The following KIF2C variants were observed in gnomAD, a reference collection of about 807,000 sequenced individuals.
The protein encoded by KIF2C is kinesin-like protein KIF2C.
In KIF2C, 34 loss-of-function variants were observed where a neutral mutation model predicts 97.4. The ratio of observed to expected loss-of-function variants is 0.35; its 90% CI spans 0.27 to 0.46. KIF2C has a LOEUF of 0.46. KIF2C is among the 20% of genes least tolerant of loss of function. The pLI is 1.00. For missense variants in KIF2C, 750 were observed against 907.6 expected (o/e 0.83, Z 2.23); for synonymous variants, 313 against 318.2 (o/e 0.98, Z 0.17).
Position 44,753,825 on chromosome 1 carries a change from A to G in KIF2C, c.655A>G (p.Arg219Gly). The G allele has an allele frequency of 1.2e-6, 2 of 1,604,494 alleles. No individual in the cohort carries two copies. Among genetic ancestry groups the G allele is most frequent in the Non-Finnish European group, 1.7e-6 (2 of 1,174,882 alleles). The change falls in exon 7 of 21, where the codon AGA becomes GGA. Residue 219 changes from arginine to glycine, a missense_variant. By Grantham distance (125) the Arg-to-Gly change is moderately radical. Coordinates refer to ENST00000372224, the MANE Select transcript of KIF2C (RefSeq NM_006845.4). ...KAQNSEMRMKRAQEYDSSFPN... is the reference protein window; with the variant it reads ...KAQNSEMRMKGAQEYDSSFPN... Reference sequence around the variant, plus strand: ...CCAGAACTCTGAAATGAGAATGAAGAGAGCTCAGGTACCTTTCTTGGGAGA... The same window carrying G: ...CCAGAACTCTGAAATGAGAATGAAGGGAGCTCAGGTACCTTTCTTGGGAGA...
chr1:44,747,375 T>A lies in KIF2C; in HGVS notation c.166-9T>A. On this transcript the variant is annotated splice_polypyrimidine_tract_variant and intron_variant, in intron 2 of 20. Transcript: ENST00000372224. ...TTGTTTCATTGAAACTTTTACTTGC[T>A]CCTTGCAGATTGATTTTGATGATGT... The A allele has an allele frequency of 1.3e-6, 2 of 1,596,020 alleles. No homozygotes were observed. The highest frequency in any genetic ancestry group is 1.7e-6 in the Non-Finnish European group (2 of 1,167,656).
chr1:44,748,649 T>G (rs1444512139), intron 4 of KIF2C, among the ~76,000 whole-genome samples: 1 of 151,350 alleles, frequency 6.6e-6, no homozygotes. Context: ...CAGGCAATCC[T>G]CCCACCTCAG....
At chr1:44,744,577 GA>G (rs1228769377) in intron 2 of KIF2C, among the ~76,000 whole-genome samples, 4 of 152,164 alleles carry the variant, frequency 2.6e-5, no homozygotes, top group African/African-American at 9.6e-5. Context: ...ATCAACATGA[GA>G]ATCAGTTGAT....
At chr1:44,764,321 G>A (rs1274054686) in intron 19 of KIF2C, among the ~76,000 whole-genome samples, 1 of 151,568 alleles carries the variant, frequency 6.6e-6, no homozygotes, top group Non-Finnish European at 1.5e-5. Context: ...GATTACAGGT[G>A]CGTGCCACCA....
chr1:44,761,337 G>A (rs1215592086), intron 16 of KIF2C, among the ~76,000 whole-genome samples: 1 of 152,062 alleles, frequency 6.6e-6, no homozygotes, highest in Non-Finnish European at 1.5e-5. Context: ...TGGGCGCGGT[G>A]GCTCACGCCT....
chr1:44,757,504 T>C, intron 10 of KIF2C, 52 bp from the exon 11 acceptor site: 3 of 1,192,224 alleles, frequency 2.5e-6, no homozygotes, highest in Non-Finnish European at 3.8e-6. Context: ...GCAGGACATG[T>C]TCCAGGGAGC....
chr1:44,744,062 G>C (rs2148820954), intron 2 of KIF2C, among the ~76,000 whole-genome samples: 1 of 149,526 alleles, frequency 6.7e-6, no homozygotes, highest in African/African-American at 2.5e-5. Flanking sequence ...GGCATTCAGA[G>C]CCTTTTCAAG....
At chr1:44,762,216 T>C in intron 17 of KIF2C, 130 bp from the exon 18 acceptor site, 1 of 957,238 alleles carries the variant, frequency 1.0e-6, no homozygotes, top group South Asian at 1.3e-5. Flanking sequence ...GTTTTCTCTC[T>C]CCTTGGCTGA....
intron 14 of KIF2C, 79 bp downstream of exon 14, chr1:44,759,427 G>T: frequency 1.9e-6 from 3 of 1,565,084 alleles, no homozygotes; most frequent in Non-Finnish European, 2.6e-6. Flanking sequence ...GCACATTTCT[G>T]TTTACCCAGA....
chr1:44,760,722 A>G lies in KIF2C; in HGVS notation c.1683+20A>G. ...TGCATGGTGAGTAGGGTCACTTTGA[A>G]GGTGATGGTACAGGAGGAGACAGAG... On this transcript the variant is annotated intron_variant, in intron 16 of 20. Coordinates refer to ENST00000372224, the MANE Select transcript of KIF2C (RefSeq NM_006845.4). This position sits in a 1 kb window ranked among gnomAD's most constrained non-coding sequence, Gnocchi z 4.2. 1 of 1,579,024 alleles carries G rather than the reference A, an allele frequency of 6.3e-7. No individual in the cohort carries two copies.
chr1:44,765,334 A>G (rs1650395150), intron 19 of KIF2C, among the ~76,000 whole-genome samples: 1 of 152,194 alleles, frequency 6.6e-6, no homozygotes. Context: ...GGGTAGGGAT[A>G]GCATTAGGAG....
intron 2 of KIF2C, among the ~76,000 whole-genome samples, chr1:44,746,078 G>T (rs12405483): frequency 6.6e-6 from 1 of 151,410 alleles, no homozygotes; most frequent in Non-Finnish European, 1.5e-5. Flanking sequence ...GGGTTTCACC[G>T]TGTTGCCCAG....
rs1056044908 is a variant in KIF2C, at chr1:44,760,207, T to C, written c.1368-73T>C. 7.1e-6 allele frequency: 10 copies of C among 1,410,894 alleles called. No homozygotes were observed. In the African/African-American group the frequency reaches 9.9e-5, roughly 14 times the overall value. 87.4% of individuals were successfully genotyped at this position (1,410,894 alleles called of 1,614,324 possible). A position where few individuals can be genotyped will look rare whatever the true frequency, so the allele number is the denominator to read the frequency against. The stretch of plus-strand genomic sequence containing the variant: ...CTCCTAACCTGTGTCCCTCCCTTCC[T>C]AGAGAACTTCTGTGGACTTGGGTGC... On this transcript the variant is annotated intron_variant, in intron 14 of 20. Coordinates refer to ENST00000372224, the MANE Select transcript of KIF2C (RefSeq NM_006845.4). This position sits in a 1 kb window ranked among gnomAD's most constrained non-coding sequence, Gnocchi z 4.2.
rs1220856261 is a variant in KIF2C, at chr1:44,756,368, GTCACACCCTTTGGC to G, written c.977+132_977+145del. Reference sequence around the variant, plus strand: ...TCCTCGCTTCTTGTGTTTTCTTTGGGTCACACCCTTTGGCAGCTTAGTGGCCCATCCTTGAGTGG... The same window carrying G: ...TCCTCGCTTCTTGTGTTTTCTTTGGGAGCTTAGTGGCCCATCCTTGAGTGG... On this transcript the variant is annotated intron_variant, in intron 10 of 20. Transcript: ENST00000372224. 7 of 985,574 alleles carry G rather than the reference GTCACACCCTTTGGC, an allele frequency of 7.1e-6. No homozygotes were observed. In the East Asian group the frequency reaches 1.4e-4, roughly 20 times the overall value. The allele number at this position is 985,574 out of a possible 1,614,324, so 61.1% of individuals were successfully genotyped here. A position where few individuals can be genotyped will look rare whatever the true frequency, so the allele number is the denominator to read the frequency against.
chr1:44,755,321 A>G (rs952004567), intron 8 of KIF2C, among the ~76,000 whole-genome samples: 1 of 152,152 alleles, frequency 6.6e-6, no homozygotes, highest in Non-Finnish European at 1.5e-5. Context: ...GCTGGAGTGC[A>G]ATGGCATGGT....
chr1:44,743,869 A>C (rs1036956685), intron 2 of KIF2C, among the ~76,000 whole-genome samples: 6 of 152,244 alleles, frequency 3.9e-5, no homozygotes, highest in Non-Finnish European at 5.9e-5. Context: ...TATATTTGAG[A>C]AATAAAAGGA....
intron 16 of KIF2C, 79 bp from the exon 17 acceptor site, chr1:44,761,837 C>T: frequency 7.5e-7 from 1 of 1,328,648 alleles, no homozygotes; most frequent in Non-Finnish European, 1.1e-6. Context: ...AACACCCTGA[C>T]TGGAGGCCCC....
At chr1:44,754,869 C>G in intron 8 of KIF2C, 24 bp downstream of exon 8, 2 of 1,395,566 alleles carry the variant, frequency 1.4e-6, no homozygotes, top group Non-Finnish European at 2.0e-6. Flanking sequence ...AAGAACTTCT[C>G]TTTCTTAAGT....
chr1:44,740,756 A>G lies in KIF2C; in HGVS notation c.71-157A>G, dbSNP rs77790608. On this transcript the variant is annotated intron_variant, in intron 1 of 20. Coordinates refer to ENST00000372224, the MANE Select transcript of KIF2C (RefSeq NM_006845.4). ...TGTGGATATTCTAAAGGTGAAGCCC[A>G]GGAGATTTATTTGTTTCTCTTAGTT... is the stretch of plus-strand genomic sequence containing the variant. Among the ~76,000 whole-genome samples, 64 of 149,746 alleles carry G rather than the reference A, an allele frequency of 4.3e-4. 3 individuals are homozygous for G. In the East Asian group the frequency reaches 9.6e-3, roughly 22 times the overall value.
Sources: allele counts gnomAD v4.1 joint callset (sites outside exome capture counted in the v4.1 genomes callset), GRCh38; gene constraint gnomAD v4.1.1; non-coding constraint Gnocchi (gnomAD v3.1); transcripts MANE v1.5; gene names NCBI Gene and HGNC (gene_info 2026-07-23, HGNC 2026-07-21).